Variants in SSTR5 observed in about 807,000 individuals in gnomAD.
SSTR5 encodes the protein somatostatin receptor type 5.
A neutral mutation model predicts 0.3 loss-of-function variants in SSTR5; 1 was observed. The ratio of observed to expected loss-of-function variants is 2.98; its 90% CI spans 1.06 to 14.15. The LOEUF is 14.15. Ranked by LOEUF, SSTR5 falls within the 30% of genes most tolerant of loss-of-function variation. The probability of loss-of-function intolerance (pLI) is 0.12; values close to 1 mark genes in which losing one functional copy is unlikely to be tolerated. For missense variants in SSTR5, 516 were observed against 543.2 expected, an observed-to-expected ratio of 0.95 and a Z score of 0.50; for synonymous variants, 256 against 263.1, an observed-to-expected ratio of 0.97 and a Z score of 0.26.
chr16:1,075,107 G>A (rs2151554397), intron 1 of SSTR5, among the ~76,000 whole-genome samples: 1 of 152,310 alleles, frequency 6.6e-6, no homozygotes, highest in Admixed American at 6.5e-5. Flanking sequence ...AATTCCCCGT[G>A]AGTGCGTAAT....
chr16:1,074,419 C>T lies in SSTR5; in HGVS notation c.-28+1597C>T, dbSNP rs190275057. Among the ~76,000 whole-genome samples the T allele has an allele frequency of 3.0e-3, 459 of 152,348 alleles. 1 individual carries two copies. The highest frequency in any genetic ancestry group is 0.01 in the African/African-American group (427 of 41,574). On this transcript the variant is annotated intron_variant, in intron 1 of 1. Transcript: ENST00000689027. ...GCCCCCCATGAAGGAGCCGACTCCCCGACCTCGTGCTGGGTTAGCCTGGAA... is the reference window on the plus strand; with the variant it reads ...GCCCCCCATGAAGGAGCCGACTCCCTGACCTCGTGCTGGGTTAGCCTGGAA...
Position 1,079,222 on chromosome 16 carries a change from G to A in SSTR5, c.354G>A (p.Leu118=), listed in dbSNP as rs772674557. The change falls in exon 2 of 2, where the codon CTG becomes CTA. Residue 118 remains leucine (L), a synonymous_variant. Transcript: ENST00000689027. ...GPVLCRLVMT[L]DGVNQFTSVF... ...TCCTGTGCCGCCTGGTCATGACGCT[G>A]GACGGCGTCAACCAGTTCACCAGTG... The A allele has an allele frequency of 6.8e-6, 11 of 1,612,520 alleles. No homozygotes were observed. Among genetic ancestry groups the A allele is most frequent in the Non-Finnish European group, 7.6e-6 (9 of 1,179,914 alleles).
chr16:1,078,811 C>T, intron 1 of SSTR5, 31 bp from the exon 2 acceptor site: 3 of 1,582,180 alleles, frequency 1.9e-6, no homozygotes, highest in South Asian at 1.1e-5. Flanking sequence ...AGGGACTCAC[C>T]ACCCTGGCGT....
At chr16:1,078,350 C>G (rs1960257620) in intron 1 of SSTR5, 1 of 166,226 alleles carries the variant, frequency 6.0e-6, no homozygotes, top group African/African-American at 2.4e-5. Flanking sequence ...AGCCAGGTGC[C>G]ATTCATCCCA....
intron 1 of SSTR5, among the ~76,000 whole-genome samples, chr16:1,075,965 CTCTCTCT>C (rs1960189030): frequency 2.4e-4 from 1 of 4,240 alleles, no homozygotes; most frequent in African/African-American, 7.3e-4. Flanking sequence ...CCACCTCCCC[CTCTCTCT>C]CCCTCCCCCT....
chr16:1,074,582 T>TG lies in SSTR5; in HGVS notation c.-28+1761dup, dbSNP rs1960156509. 4.6e-5 allele frequency among the ~76,000 whole-genome samples: 7 copies of TG among 152,190 alleles called. No homozygotes were observed. The South Asian group carries it at 1.4e-3, about 32-fold the overall frequency. On this transcript the variant is annotated intron_variant, in intron 1 of 1. Transcript: ENST00000689027. ...AGCGGCCTCCTGGATGCTGGGGAAA[T>TG]GCTGGGCTGCTTAGGGCAGCTTGTG...
chr16:1,073,516 C>G (rs987812413), intron 1 of SSTR5: 1 of 152,370 alleles, frequency 6.6e-6, no homozygotes, highest in Non-Finnish European at 1.5e-5. Flanking sequence ...TGGGGTGCCA[C>G]CCCGCCCGCT....
rs1319838590 is a variant in SSTR5 at position 1,080,876 on chromosome 16, G to A, written c.*913G>A. The A allele has an allele frequency of 7.9e-6, 3 of 379,390 alleles. No homozygotes were observed. Among genetic ancestry groups the A allele is most frequent in the Non-Finnish European group, 1.6e-5 (3 of 183,498 alleles). 23.5% of individuals were successfully genotyped at this position (379,390 alleles called of 1,614,324 possible). On this transcript the variant is annotated 3_prime_UTR_variant, in exon 2 of 2. Transcript: ENST00000689027. ...GGACCTGAGGGTCAGGGCTTGGAGA[G>A]GACAGGGAACCTGCGGCCGTCTCTT...
At chr16:1,074,394 GC>G (rs1488194045) in intron 1 of SSTR5, among the ~76,000 whole-genome samples, 2 of 152,200 alleles carry the variant, frequency 1.3e-5, no homozygotes, top group Non-Finnish European at 2.9e-5. Context: ...CCGCATCGCT[GC>G]CCCCCATGAA....
chr16:1,079,057 C>A lies in SSTR5; in HGVS notation c.189C>A (p.Tyr63Ter), dbSNP rs141871007. ...TGGGCGGGAACACGCTGGTCATCTA[C>A]GTGGTGCTGCGCTTCGCCAAGATGA... Reference protein sequence around the residue: ...AGLGGNTLVIYVVLRFAKMKT... With the variant: ...AGLGGNTLVI Residue 63 changes from tyrosine to a stop codon, truncating the protein, a stop_gained, in exon 2 of 2, where the codon TAC (tyrosine) becomes TAA (stop). Coordinates refer to ENST00000689027, the MANE Select transcript of SSTR5 (RefSeq NM_001172560.3). LOFTEE classifies it low-confidence loss of function (END_TRUNC). The A allele has an allele frequency of 6.2e-7, 1 of 1,612,348 alleles. No homozygotes were observed. Among genetic ancestry groups the A allele is most frequent in the South Asian group, 1.1e-5 (1 of 91,056 alleles).
chr16:1,079,103 A>T lies in SSTR5; in HGVS notation c.235A>T (p.Ile79Phe). 1 of 1,612,624 alleles carries T rather than the reference A, an allele frequency of 6.2e-7. No homozygotes were observed. The highest frequency in any genetic ancestry group is 8.5e-7 in the Non-Finnish European group (1 of 1,179,926). The change falls in exon 2 of 2, where the codon ATT (isoleucine) becomes TTT (phenylalanine). Residue 79 changes from isoleucine (I) to phenylalanine (F), a missense_variant. Transcript: ENST00000689027. Reference sequence around the variant, plus strand: ...GATGAAGACCGTCACCAACATCTACATTCTCAACCTGGCAGTGGCCGACGT... The same window carrying T: ...GATGAAGACCGTCACCAACATCTACTTTCTCAACCTGGCAGTGGCCGACGT... The part of the protein sequence containing the change: ...AKMKTVTNIY[I>F]LNLAVADVLY...
In SSTR5 at chr16:1,079,918, G is replaced by A. The variant is rs780910741; in HGVS notation, c.1050G>A (p.Ala350=). 33 of 1,605,362 alleles carry A rather than the reference G, an allele frequency of 2.1e-5. No homozygotes were observed. Among genetic ancestry groups the A allele is most frequent in the South Asian group, 1.7e-4 (15 of 90,400 alleles). ...AGCAGCAGGAGGCCACGCCACCCGC[G>A]CACCGCGCCGCAGCCAACGGGCTTA... ...IRQQQEATPP[A]HRAAANGLMQ... is the part of the protein sequence containing the mutation. Residue 350 remains alanine (A), a synonymous_variant, in exon 2 of 2, where the codon GCG becomes GCA. Coordinates refer to ENST00000689027, the MANE Select transcript of SSTR5 (RefSeq NM_001172560.3).
intron 1 of SSTR5, among the ~76,000 whole-genome samples, chr16:1,076,864 C>T (rs1027746023): frequency 1.3e-5 from 2 of 152,164 alleles, no homozygotes; most frequent in African/African-American, 4.8e-5. Flanking sequence ...GTGGATCCTG[C>T]ACATATTTAA....
chr16:1,073,950 G>T (rs377581046), intron 1 of SSTR5, among the ~76,000 whole-genome samples: 3 of 152,224 alleles, frequency 2.0e-5, no homozygotes, highest in Admixed American at 6.5e-5. Flanking sequence ...CGCGGAGCAC[G>T]CGGGACCCCT....
At chr16:1,078,715 A>G in intron 1 of SSTR5, 127 bp from the exon 2 acceptor site, 2 of 837,480 alleles carry the variant, frequency 2.4e-6, no homozygotes, top group Non-Finnish European at 3.7e-6. Context: ...GCTAAACATG[A>G]CTAATCGTGT....
In SSTR5 at chr16:1,080,450, G is replaced by A. The variant is rs1012383674; in HGVS notation, c.*487G>A. On this transcript the variant is annotated 3_prime_UTR_variant, in exon 2 of 2. Coordinates refer to ENST00000689027, the MANE Select transcript of SSTR5 (RefSeq NM_001172560.3). ...CCGAAAGCGCTTGACTCAGGTCCCC[G>A]GAGTCCCTGGCCAGGGCCCCAGCCC... Among the ~76,000 whole-genome samples, 9 of 152,194 alleles carry A rather than the reference G, an allele frequency of 5.9e-5. No homozygotes were observed. The highest frequency in any genetic ancestry group is 1.0e-4 in the Non-Finnish European group (7 of 68,030).
intron 1 of SSTR5, chr16:1,078,351 A>G (rs1489628247): frequency 6.0e-6 from 1 of 165,848 alleles, no homozygotes; most frequent in Non-Finnish European, 1.3e-5. Flanking sequence ...GCCAGGTGCC[A>G]TTCATCCCAG....
At position 1,080,345 on chromosome 16, in the gene SSTR5, A is replaced by T. The variant is rs565876207; in HGVS notation, c.*382A>T. Among the ~76,000 whole-genome samples the T allele has an allele frequency of 2.4e-4, 36 of 152,234 alleles. No homozygotes were observed. Among genetic ancestry groups the T allele is most frequent in the African/African-American group, 7.7e-4 (32 of 41,532 alleles). On this transcript the variant is annotated 3_prime_UTR_variant, in exon 2 of 2. Transcript: ENST00000689027. The stretch of plus-strand genomic sequence containing the variant: ...GAGGGTCTTCCTGACGGCGGAGCTG[A>T]CCTGCCCGGCCCACCAGCTGCATGT...
chr16:1,079,860 A>G lies in SSTR5; in HGVS notation c.992A>G (p.Asp331Gly), dbSNP rs1960325112. The G allele has an allele frequency of 3.1e-6, 5 of 1,611,536 alleles. No homozygotes were observed. The highest frequency in any genetic ancestry group is 4.2e-6 in the Non-Finnish European group (5 of 1,179,672). The stretch of plus-strand genomic sequence containing the variant: ...AAGGGCTCTGGTGCCAAGGACGCTG[A>G]CGCCACGGAGCCGCGTCCAGACAGG... ...LRKGSGAKDA[D>G]ATEPRPDRIR... is the part of the protein sequence containing the mutation. Residue 331 changes from aspartate to glycine, a missense_variant, in exon 2 of 2, where the codon GAC becomes GGC. Transcript: ENST00000689027.
Sources: gnomAD v4.1 joint callset for allele counts (sites outside exome capture counted in the v4.1 genomes callset) on GRCh38, gnomAD v4.1.1 for gene constraint, MANE v1.5 for transcripts, NCBI Gene and HGNC (gene_info 2026-07-23, HGNC 2026-07-21) for gene names.